Variants in KRT8 observed in about 807,000 individuals in gnomAD.
KRT8 encodes the protein keratin 8, also known as keratin, type II cytoskeletal 8.
Under a neutral mutation model 43.0 loss-of-function variants are expected in KRT8, and 24 were observed. That is an observed-to-expected ratio of 0.56 (90% confidence interval 0.40 to 0.78). The LOEUF is 0.78. Among genes scored for constraint, KRT8 ranks in the 30% least tolerant of loss-of-function variants. The pLI, the probability that KRT8 is intolerant of heterozygous loss-of-function variation, is 0.00. For missense variants in KRT8, 492 were observed against 638.4 expected (o/e 0.77, Z 2.47); for synonymous variants, 214 against 261.2 (o/e 0.82, Z 1.74).
At chr12:52,936,717 T>C (rs1265609426) in intron 2 of KRT8, among the ~76,000 whole-genome samples, 1 of 151,984 alleles carries the variant, frequency 6.6e-6, no homozygotes. Flanking sequence ...GTTTCTCCAT[T>C]TTGGTCAGGC....
chr12:52,905,109 G>C, upstream of KRT8: 1 of 1,452,354 alleles, frequency 6.9e-7, no homozygotes, highest in Non-Finnish European at 9.0e-7. Context: ...AGCCCCGGGG[G>C]ATGGGGGGGA....
chr12:52,910,555 A>T (rs1941615261), upstream of KRT8, among the ~76,000 whole-genome samples: 1 of 152,178 alleles, frequency 6.6e-6, no homozygotes, highest in South Asian at 2.1e-4. Context: ...GACAGACACA[A>T]ATGGGTCCCA....
chr12:52,941,502 T>TG (rs1942268095), intron 2 of KRT8, among the ~76,000 whole-genome samples: 3 of 143,302 alleles, frequency 2.1e-5, no homozygotes, highest in African/African-American at 7.8e-5. Flanking sequence ...TTTTTTTTTT[T>TG]TTTGAGACAG....
chr12:52,926,343 C>A, intron 2 of KRT8: 1 of 877,312 alleles, frequency 1.1e-6, no homozygotes, highest in South Asian at 1.6e-5. Context: ...CCCTCCCCAC[C>A]CCACCCCCAG....
At chr12:52,926,026 T>G (rs1941982735) in intron 2 of KRT8, among the ~76,000 whole-genome samples, 1 of 152,090 alleles carries the variant, frequency 6.6e-6, no homozygotes, top group South Asian at 2.1e-4. Context: ...TGGTGAGACC[T>G]GCCCTGGAGA....
chr12:52,905,111 TGG>T (rs895135719), upstream of KRT8: 1 of 1,450,628 alleles, frequency 6.9e-7, no homozygotes, highest in Non-Finnish European at 9.0e-7. Flanking sequence ...CCCCGGGGGA[TGG>T]GGGGGAAAGG....
At chr12:52,918,026 AGAGGAGGAGGAGAAGAAGAAGAAGAG>A (rs1941781143) in intron 2 of KRT8, among the ~76,000 whole-genome samples, 1 of 45,400 alleles carries the variant, frequency 2.2e-5, no homozygotes, top group African/African-American at 9.3e-5. Context: ...GAGAAGAAGA[AGAGGAGGAGGAGAAGAAGAAGAAGAG>A]GAAGAAGAAG....
intron 2 of KRT8, among the ~76,000 whole-genome samples, chr12:52,923,399 T>C (rs1941925172): frequency 6.6e-6 from 1 of 152,054 alleles, no homozygotes; most frequent in African/African-American, 2.4e-5. Context: ...GCAGGACCAT[T>C]TATTCCTAAA....
intron 2 of KRT8, among the ~76,000 whole-genome samples, chr12:52,916,422 GC>G (rs1213171706): frequency 1.3e-5 from 2 of 152,198 alleles, no homozygotes; most frequent in Non-Finnish European, 2.9e-5. Context: ...GCAGCTCCCT[GC>G]TGAACCCTAG....
At chr12:52,940,125 C>T (rs1036006060) in intron 2 of KRT8, among the ~76,000 whole-genome samples, 5 of 151,824 alleles carry the variant, frequency 3.3e-5, no homozygotes, top group African/African-American at 7.3e-5. Context: ...AAGTGAAAGA[C>T]GCCAGAGACA....
At chr12:52,920,795 A>T (rs1452074655) in intron 2 of KRT8, among the ~76,000 whole-genome samples, 1 of 152,186 alleles carries the variant, frequency 6.6e-6, no homozygotes, top group Non-Finnish European at 1.5e-5. Flanking sequence ...TAATCCCAGT[A>T]CTTTGGAAGG....
chr12:52,900,037 G>C, exon 5 of KRT8: 1 of 1,612,696 alleles, frequency 6.2e-7, no homozygotes, highest in Non-Finnish European at 8.5e-7. Context: ...AGATGTGTCC[G>C]AGATCTGGGA....
intron 1 of KRT8, among the ~76,000 whole-genome samples, chr12:52,902,810 G>A (rs181627964): frequency 9.1e-4 from 139 of 152,176 alleles, no homozygotes; most frequent in Middle Eastern, 6.8e-3. Context: ...TCAGGAGTTC[G>A]AGACCAGCCT....
Position 52,904,938 on chromosome 12 carries a change from G to A in KRT8, c.44C>T (p.Ser15Phe), listed in dbSNP as rs757605500. 3 of 1,612,296 alleles carry A rather than the reference G, an allele frequency of 1.9e-6. No homozygotes were observed. In the Admixed American group the frequency reaches 5.0e-5, roughly 27 times the overall value. Residue 15 changes from serine to phenylalanine, a missense_variant, in exon 1 of 8, where the codon TCT becomes TTT. Coordinates refer to ENST00000692008, the Ensembl canonical transcript of KRT8. ...GCGGCTGCTGAAGGCCCGGGGGCCA[G>A]AGGTGGACACCTTGTAGGACTTCTG...
At chr12:52,927,167 C>T (rs1230610562) in intron 2 of KRT8, among the ~76,000 whole-genome samples, 2 of 152,180 alleles carry the variant, frequency 1.3e-5, no homozygotes, top group African/African-American at 2.4e-5. Flanking sequence ...AGCCTGGACA[C>T]ACCCCAGGGA....
chr12:52,899,081 G>A (rs908927269), intron 5 of KRT8, 182 bp from the exon 6 acceptor site: 26 of 626,820 alleles, frequency 4.1e-5, no homozygotes, highest in East Asian at 1.7e-4. Flanking sequence ...TTGGGAGGCC[G>A]AGGCGGGCAG....
chr12:52,920,152 A>G (rs1941853701), intron 2 of KRT8, among the ~76,000 whole-genome samples: 1 of 152,240 alleles, frequency 6.6e-6, no homozygotes, highest in African/African-American at 2.4e-5. Flanking sequence ...AGATGTAATA[A>G]TGTCAATAAC....
chr12:52,925,244 T>C (rs1165622707), intron 2 of KRT8, among the ~76,000 whole-genome samples: 2 of 151,940 alleles, frequency 1.3e-5, no homozygotes, highest in Admixed American at 1.3e-4. Context: ...GGAGGAGGTG[T>C]GTATGCACAG....
At chr12:52,897,202 A>T (rs1323724799) in exon 8 of KRT8, 1 of 626,044 alleles carries the variant, frequency 1.6e-6, no homozygotes, top group Non-Finnish European at 2.9e-6. Flanking sequence ...TGGCAGAGCT[A>T]GCTGAGGTTT....
Sources: allele counts gnomAD v4.1 joint callset (sites outside exome capture counted in the v4.1 genomes callset), GRCh38; gene constraint gnomAD v4.1.1; transcripts MANE v1.5; gene names NCBI Gene and HGNC (gene_info 2026-07-23, HGNC 2026-07-21).